The following RABL3 variants were observed in gnomAD, a reference collection of about 807,000 sequenced individuals.
RABL3 encodes the protein rab-like protein 3.
A neutral mutation model predicts 31.8 loss-of-function variants in RABL3; 31 were observed. The observed-to-expected ratio is 0.97, with a 90% confidence interval of 0.73 to 1.31. The LOEUF is 1.31. RABL3 is among the 40% of genes most tolerant of loss of function. The pLI is 0.00. For missense variants in RABL3, 263 were observed against 279.6 expected (o/e 0.94, Z 0.42); for synonymous variants, 97 against 99.9 (o/e 0.97, Z 0.18).
chr3:120,724,038 A>T (rs1295533158), intron 2 of RABL3, among the ~76,000 whole-genome samples: 1 of 152,250 alleles, frequency 6.6e-6, no homozygotes, highest in East Asian at 1.9e-4. Flanking sequence ...ATGATAGTAT[A>T]TCCAGAAAAC....
intron 3 of RABL3, among the ~76,000 whole-genome samples, chr3:120,709,152 G>GA: frequency 1.3e-5 from 2 of 152,050 alleles, no homozygotes; most frequent in South Asian, 4.2e-4. Context: ...AAAAGACTAA[G>GA]AAAGAAACTC....
At chr3:120,733,731 T>C (rs1559823773) in intron 1 of RABL3, among the ~76,000 whole-genome samples, 1 of 152,198 alleles carries the variant, frequency 6.6e-6, no homozygotes, top group Non-Finnish European at 1.5e-5. Context: ...TTAATTTTTG[T>C]ATAAGGTGTA....
chr3:120,700,154 T>A (rs1374865503), intron 4 of RABL3, among the ~76,000 whole-genome samples: 1 of 152,148 alleles, frequency 6.6e-6, no homozygotes, highest in East Asian at 1.9e-4. Context: ...AATTTAATCT[T>A]GAAATCTTCT....
intron 2 of RABL3, among the ~76,000 whole-genome samples, chr3:120,720,177 T>C (rs111743240): frequency 0.018 from 2,774 of 152,146 alleles, 92 homozygotes; most frequent in African/African-American, 0.064. Flanking sequence ...CACCAAAACC[T>C]CATCTGTACA....
chr3:120,711,324 C>G (rs904518869), intron 2 of RABL3, among the ~76,000 whole-genome samples: 2 of 152,112 alleles, frequency 1.3e-5, no homozygotes, highest in African/African-American at 4.8e-5. Flanking sequence ...TGCATTATTG[C>G]ATTTGCCAAC....
rs80221669 is a variant in RABL3 at position 120,740,953 on chromosome 3, G to A, written c.46+1509C>T. ...GCTAATTCTATCCCTGTTATATGAC[G>A]CATTAATTCCACAGTTATAACCCCA... On this transcript the variant is annotated intron_variant, in intron 1 of 7. Transcript: ENST00000273375. Among the ~76,000 whole-genome samples, 414 of 152,242 alleles carry A rather than the reference G, an allele frequency of 2.7e-3. 2 individuals carry two copies. Among genetic ancestry groups the A allele is most frequent in the African/African-American group, 7.8e-3 (324 of 41,540 alleles).
At chr3:120,692,444 C>T (rs567952242) in intron 6 of RABL3, among the ~76,000 whole-genome samples, 17 of 152,284 alleles carry the variant, frequency 1.1e-4, no homozygotes, top group South Asian at 6.2e-4. Context: ...GTCATCTGCC[C>T]GCCTCGGCCT....
chr3:120,704,626 C>T (rs925707681), intron 4 of RABL3, among the ~76,000 whole-genome samples: 1 of 152,124 alleles, frequency 6.6e-6, no homozygotes, highest in Admixed American at 6.5e-5. Context: ...AAGAAATAAA[C>T]CTGTCTATGT....
At position 120,689,900 on chromosome 3, in the gene RABL3, A is replaced by G. The variant is rs1462002358; in HGVS notation, c.646-12T>C. ...GGAAAGCCTGGAATCTGTAGGCAAGAAAGATAATTGCATTAAGTCTCAAGC... is the reference window on the plus strand; with the variant it reads ...GGAAAGCCTGGAATCTGTAGGCAAGGAAGATAATTGCATTAAGTCTCAAGC... On this transcript the variant is annotated splice_polypyrimidine_tract_variant and intron_variant, in intron 7 of 7. Transcript: ENST00000273375. The G allele has an allele frequency of 1.9e-6, 3 of 1,606,212 alleles. No homozygotes were observed. The African/African-American group carries it at 4.0e-5, about 21-fold the overall frequency.
intron 4 of RABL3, among the ~76,000 whole-genome samples, chr3:120,702,748 A>G (rs746891995): frequency 4.6e-5 from 7 of 152,116 alleles, no homozygotes; most frequent in Non-Finnish European, 7.4e-5. Flanking sequence ...TAGTAGAGAC[A>G]GGGTTTCACC....
intron 2 of RABL3, among the ~76,000 whole-genome samples, chr3:120,713,954 G>C (rs954920612): frequency 6.6e-6 from 1 of 151,960 alleles, no homozygotes; most frequent in Non-Finnish European, 1.5e-5. Context: ...GGGATTACAG[G>C]CACATGTCAC....
intron 6 of RABL3, among the ~76,000 whole-genome samples, chr3:120,691,247 T>C (rs1055784261): frequency 2.6e-5 from 4 of 152,190 alleles, no homozygotes; most frequent in African/African-American, 9.7e-5. Context: ...TGTTTCCAGA[T>C]GATGAAAAAC....
Position 120,689,181 on chromosome 3 carries a change from T to C in RABL3, c.*642A>G, listed in dbSNP as rs1472928174. The stretch of plus-strand genomic sequence containing the variant: ...TTTTTTCTGGTATTGCTGTTCTCTA[T>C]GTATTATTAATTTGTATTTATATTT... On this transcript the variant is annotated 3_prime_UTR_variant, in exon 8 of 8. Coordinates refer to ENST00000273375, the MANE Select transcript of RABL3 (RefSeq NM_173825.5). 1.3e-5 allele frequency: 2 copies of C among 152,210 alleles called. No individual in the cohort carries two copies. The highest frequency in any genetic ancestry group is 2.1e-4 in the South Asian group (1 of 4,828). 9.4% of individuals were successfully genotyped at this position (152,210 alleles called of 1,614,324 possible).
intron 2 of RABL3, among the ~76,000 whole-genome samples, chr3:120,713,275 C>T (rs1316237284): frequency 6.6e-6 from 1 of 152,172 alleles, no homozygotes; most frequent in Non-Finnish European, 1.5e-5. Context: ...TTCCTGTTTC[C>T]TTTTAAAATC....
At chr3:120,735,333 G>C (rs1248217644) in intron 1 of RABL3, among the ~76,000 whole-genome samples, 2 of 152,200 alleles carry the variant, frequency 1.3e-5, no homozygotes, top group East Asian at 1.9e-4. Flanking sequence ...TATTTGCGTA[G>C]AGGTGTTTTT....
intron 1 of RABL3, among the ~76,000 whole-genome samples, chr3:120,739,820 C>T (rs917203019): frequency 2.6e-5 from 4 of 152,120 alleles, no homozygotes; most frequent in Non-Finnish European, 4.4e-5. Flanking sequence ...CTTGATGCAA[C>T]ACTTGAGGCC....
chr3:120,685,428 C>T lies in RABL3; in HGVS notation c.*4395G>A, dbSNP rs1708298000. 6.6e-6 allele frequency among the ~76,000 whole-genome samples: 1 copy of T among 152,150 alleles called. No homozygotes were observed. The highest frequency in any genetic ancestry group is 2.4e-5 in the African/African-American group (1 of 41,422). Reference sequence around the variant, plus strand: ...TCGGTAAAGCTTAGTGATTAGCCAGCTGAGAAAACACAGTACTAGAGAGGG... The same window carrying T: ...TCGGTAAAGCTTAGTGATTAGCCAGTTGAGAAAACACAGTACTAGAGAGGG... On this transcript the variant is annotated 3_prime_UTR_variant, in exon 8 of 8. Coordinates refer to ENST00000273375, the MANE Select transcript of RABL3 (RefSeq NM_173825.5).
At chr3:120,694,307 T>C (rs1708412530) in intron 5 of RABL3, 83 bp from the exon 6 acceptor site, 1 of 859,314 alleles carries the variant, frequency 1.2e-6, no homozygotes, top group Admixed American at 2.0e-5. Flanking sequence ...TGTTGCATAT[T>C]TCTGTAGGCA....
At chr3:120,707,586 G>C (rs1165132600) in intron 3 of RABL3, among the ~76,000 whole-genome samples, 2 of 152,098 alleles carry the variant, frequency 1.3e-5, no homozygotes, top group Admixed American at 1.3e-4. Context: ...CAGGTAATCT[G>C]ACAGTAAAGA....
Sources: allele counts gnomAD v4.1 joint callset (sites outside exome capture counted in the v4.1 genomes callset), GRCh38; gene constraint gnomAD v4.1.1; transcripts MANE v1.5; gene names NCBI Gene and HGNC (gene_info 2026-07-23, HGNC 2026-07-21).